The following PIK3C2G variants were observed in gnomAD, a reference collection of about 807,000 sequenced individuals.
PIK3C2G encodes the protein phosphatidylinositol 3-kinase C2 domain-containing subunit gamma.
A neutral mutation model predicts 181.1 loss-of-function variants in PIK3C2G; 168 were observed. The observed-to-expected ratio is 0.93, with a 90% CI of 0.82 to 1.05. PIK3C2G has a LOEUF of 1.05. PIK3C2G is among the 50% of genes least tolerant of loss of function. The pLI is 0.00. For missense variants in PIK3C2G, 1,869 were observed against 1,732.8 expected, an observed-to-expected ratio of 1.08 and a Z score of -1.40; for synonymous variants, 573 against 592.2, an observed-to-expected ratio of 0.97 and a Z score of 0.47.
At chr12:18,392,344 C>T (rs189317148) in intron 15 of PIK3C2G, among the ~76,000 whole-genome samples, 5 of 152,150 alleles carry the variant, frequency 3.3e-5, no homozygotes, top group South Asian at 4.1e-4. Flanking sequence ...GCACTGAGTG[C>T]GATCAGGAGT....
intron 1 of PIK3C2G, among the ~76,000 whole-genome samples, chr12:18,250,441 T>C (rs1437002313): frequency 6.6e-6 from 1 of 152,130 alleles, no homozygotes; most frequent in Non-Finnish European, 1.5e-5. Flanking sequence ...TCTCATGTCC[T>C]AGTTCTTTTA....
Position 18,496,096 on chromosome 12 carries a change from TG to T in PIK3C2G, c.2829del (p.Lys944ArgfsTer36), listed in dbSNP as rs1316960051. On this transcript the variant is annotated frameshift_variant, in exon 21 of 33. Coordinates refer to ENST00000538779, the MANE Select transcript of PIK3C2G (RefSeq NM_001288772.2). LOFTEE classifies it high-confidence loss of function. Reference sequence around the variant, plus strand: ...TATTTTACATCTAATGCTTTGCCATTGAAGATTACTTTCATCAATGCTAATC... The same window carrying T: ...TATTTTACATCTAATGCTTTGCCATTAAGATTACTTTCATCAATGCTAATC... ...CSYFTSNALPLKITFINANPM... is the reference protein window; with the variant it reads ...CSYFTSNALPXKITFINANPM... 2 of 1,541,178 alleles carry T rather than the reference TG, an allele frequency of 1.3e-6. No homozygotes were observed. The highest frequency in any genetic ancestry group is 4.8e-5 in the East Asian group (2 of 41,924).
downstream of PIK3C2G, among the ~76,000 whole-genome samples, chr12:18,652,266 A>C (rs1298792677): frequency 6.6e-6 from 1 of 152,150 alleles, no homozygotes; most frequent in Non-Finnish European, 1.5e-5. Context: ...GTCACATATA[A>C]GTATATGACT....
chr12:18,363,725 C>T (rs895045362), intron 12 of PIK3C2G, among the ~76,000 whole-genome samples: 1 of 152,068 alleles, frequency 6.6e-6, no homozygotes, highest in African/African-American at 2.4e-5. Flanking sequence ...GATGCTTTTC[C>T]ATTAATAAAT....
chr12:18,548,080 C>T (rs923890830), intron 26 of PIK3C2G, among the ~76,000 whole-genome samples: 3 of 152,002 alleles, frequency 2.0e-5, no homozygotes, highest in African/African-American at 7.2e-5. Context: ...GAGTACAAAA[C>T]TCCATCCCAT....
chr12:18,259,190 T>C (rs17473937), upstream of PIK3C2G, among the ~76,000 whole-genome samples: 9,038 of 152,150 alleles, frequency 0.059, 401 homozygotes, highest in Non-Finnish European at 0.093. Flanking sequence ...TTATAACCTG[T>C]ACTAGGTAGC....
At chr12:18,529,720 C>T (rs1215548829) in intron 24 of PIK3C2G, among the ~76,000 whole-genome samples, 1 of 152,146 alleles carries the variant, frequency 6.6e-6, no homozygotes, top group African/African-American at 2.4e-5. Context: ...AATTAGCATC[C>T]TTGTCCATTT....
At position 18,345,118 on chromosome 12, in the gene PIK3C2G, T is replaced by C. The variant is rs12309658; in HGVS notation, c.1430-1523T>C. On this transcript the variant is annotated intron_variant, in intron 10 of 32. Transcript: ENST00000538779. ...TGTTGGGAATTCTTGAAAAGGAGTT[T>C]GTGCTTCCTGCTTCAGTATACCAAA... Among the ~76,000 whole-genome samples the C allele has an allele frequency of 3.9e-3, 593 of 152,300 alleles. 1 individual carries two copies. The highest frequency in any genetic ancestry group is 0.013 in the African/African-American group (555 of 41,558).
In PIK3C2G at chr12:18,267,800, G is replaced by A. The variant is rs1565534841; in HGVS notation, c.-79+6223G>A. On this transcript the variant is annotated intron_variant, in intron 1 of 32. Transcript: ENST00000538779. ...CTAGCCAATATATAGTTCTTCTTTT[G>A]CCAGAAGTGGACTGTTTTTGTACTT... Among the ~76,000 whole-genome samples the A allele has an allele frequency of 2.6e-5, 4 of 152,260 alleles. No individual in the cohort carries two copies. In the East Asian group the frequency reaches 7.7e-4, roughly 29 times the overall value.
chr12:18,421,793 A>G (rs1286386618), intron 17 of PIK3C2G, among the ~76,000 whole-genome samples: 1 of 151,560 alleles, frequency 6.6e-6, no homozygotes, highest in African/African-American at 2.4e-5. Flanking sequence ...AGGTTGTTAC[A>G]GCTAGTTTGA....
At chr12:18,544,072 T>A (rs920265567) in intron 25 of PIK3C2G, among the ~76,000 whole-genome samples, 1 of 151,840 alleles carries the variant, frequency 6.6e-6, no homozygotes, top group Non-Finnish European at 1.5e-5. Flanking sequence ...TCAGTGATGC[T>A]TCAAGGAGGA....
the PIK3C2G span, chr12:18,723,162 T>C: frequency 3.0e-6 from 2 of 668,584 alleles, no homozygotes; most frequent in Admixed American, 2.9e-5. Context: ...TTCTATAAAA[T>C]ATATTTTCTC....
chr12:18,342,371 C>A (rs1462117789), intron 9 of PIK3C2G, among the ~76,000 whole-genome samples: 1 of 152,032 alleles, frequency 6.6e-6, no homozygotes, highest in Non-Finnish European at 1.5e-5. Flanking sequence ...AATGTTCTCT[C>A]TCTAAAGGAA....
Position 18,424,024 on chromosome 12 carries a change from C to T in PIK3C2G, c.2489C>T (p.Ala830Val). ...LHRSLQSIQV[A>V]HRLYWLLKNA... ...CGCTCCTTGCAGAGCATCCAGGTTG[C>T]CCATCGTCTTTACTGGTAAGATTAA... is the stretch of plus-strand genomic sequence containing the variant. The change falls in exon 18 of 33, where the codon GCC becomes GTC. Residue 830 changes from alanine (A) to valine (V), a missense_variant. Ala to Val is a moderately conservative substitution (Grantham distance 64). Transcript: ENST00000538779. 3 of 1,607,872 alleles carry T rather than the reference C, an allele frequency of 1.9e-6. No individual in the cohort carries two copies. Among genetic ancestry groups the T allele is most frequent in the Non-Finnish European group, 2.6e-6 (3 of 1,176,118 alleles).
chr12:18,603,503 A>C (rs1043224516), intron 30 of PIK3C2G, among the ~76,000 whole-genome samples: 1 of 152,128 alleles, frequency 6.6e-6, no homozygotes, highest in Non-Finnish European at 1.5e-5. Context: ...TAGACATGCA[A>C]ATATAAGAAG....
upstream of PIK3C2G, among the ~76,000 whole-genome samples, chr12:18,260,493 T>C (rs1948204597): frequency 6.6e-6 from 1 of 152,050 alleles, no homozygotes; most frequent in Non-Finnish European, 1.5e-5. Context: ...CTCACACCTT[T>C]GTAGCTTTAG....
chr12:18,511,658 A>G (rs538489473), intron 24 of PIK3C2G, among the ~76,000 whole-genome samples: 11 of 151,716 alleles, frequency 7.3e-5, no homozygotes, highest in African/African-American at 2.4e-4. Flanking sequence ...TATTTTTTTA[A>G]TGTTTATTTG....
In PIK3C2G at chr12:18,505,299, G is replaced by A; in HGVS notation, c.3161G>A (p.Arg1054Lys). Residue 1054 changes from arginine to lysine, a missense_variant, in exon 24 of 33, where the codon AGG (arginine) becomes AAG (lysine). Physicochemically the swap from Arg to Lys is conservative, Grantham distance 26 (BLOSUM62 2). Coordinates refer to ENST00000538779, the MANE Select transcript of PIK3C2G (RefSeq NM_001288772.2). ...HLKADYEKAL[R>K]NFFYSCAGWC... ...TGTTTTTCAATGAATTAGGCCTTGA[G>A]GAACTTTTTCTACTCCTGTGCTGGC... The A allele has an allele frequency of 1.3e-6, 2 of 1,593,106 alleles. No homozygotes were observed. Among genetic ancestry groups the A allele is most frequent in the Non-Finnish European group, 1.7e-6 (2 of 1,168,660 alleles).
At chr12:18,592,409 A>G (rs1947132284) in intron 29 of PIK3C2G, among the ~76,000 whole-genome samples, 1 of 151,924 alleles carries the variant, frequency 6.6e-6, no homozygotes, top group African/African-American at 2.4e-5. Flanking sequence ...ATTCACTAAA[A>G]ATGGAATAGC....
Sources: allele counts gnomAD v4.1 joint callset (sites outside exome capture counted in the v4.1 genomes callset), GRCh38; gene constraint gnomAD v4.1.1; transcripts MANE v1.5; gene names NCBI Gene and HGNC (gene_info 2026-07-23, HGNC 2026-07-21).